The following CCDC148 variants were observed in gnomAD, a reference collection of about 807,000 sequenced individuals.
CCDC148 encodes coiled-coil domain containing 148, also known as coiled-coil domain-containing protein 148.
Under a neutral mutation model 85.7 loss-of-function variants are expected in CCDC148, and 89 were observed. The ratio of observed to expected loss-of-function variants is 1.04; its 90% confidence interval spans 0.87 to 1.24. The LOEUF (loss-of-function observed/expected upper bound fraction) is 1.24. CCDC148 is among the 50% of genes most tolerant of loss of function. The pLI is 0.00. For missense variants in CCDC148, 692 were observed against 671.7 expected (o/e 1.03, Z -0.33); for synonymous variants, 230 against 213.9 (o/e 1.08, Z -0.66).
chr2:158,330,467 T>G (rs978681178), intron 7 of CCDC148, among the ~76,000 whole-genome samples: 7 of 151,964 alleles, frequency 4.6e-5, no homozygotes, highest in Admixed American at 6.6e-5. Context: ...GTCTAAAATT[T>G]TCTTTTTTTG....
intron 1 of CCDC148, among the ~76,000 whole-genome samples, chr2:158,437,200 C>T (rs894866975): frequency 1.6e-4 from 24 of 152,140 alleles, no homozygotes; most frequent in African/African-American, 3.6e-4. Context: ...ACCAATATCC[C>T]TGATGAACAT....
rs115419658 is a variant in CCDC148, at chr2:158,240,709, C to T, written c.1251+10063G>A. Among the ~76,000 whole-genome samples, 376 of 152,090 alleles carry T rather than the reference C, an allele frequency of 2.5e-3. 2 individuals carry two copies. Among genetic ancestry groups the T allele is most frequent in the Middle Eastern group, 6.8e-3 (2 of 294 alleles). ...CACTCTCCCTCAACAGCAGAGCATT[C>T]GATGGAGATGAAAGGCATTCAGTCA... On this transcript the variant is annotated intron_variant, in intron 10 of 13. Transcript: ENST00000283233.
At chr2:158,357,169 T>G (rs868094349) in intron 2 of CCDC148, among the ~76,000 whole-genome samples, 8 of 151,500 alleles carry the variant, frequency 5.3e-5, no homozygotes, top group Middle Eastern at 3.4e-3. Flanking sequence ...GAATGGCACA[T>G]GTATACATAT....
chr2:158,438,912 A>C (rs1687799454), intron 1 of CCDC148, among the ~76,000 whole-genome samples: 1 of 152,226 alleles, frequency 6.6e-6, no homozygotes, highest in African/African-American at 2.4e-5. Context: ...AATGCAAATC[A>C]AAACCACAAT....
At chr2:158,211,169 G>C (rs958630289) in intron 11 of CCDC148, among the ~76,000 whole-genome samples, 1 of 151,276 alleles carries the variant, frequency 6.6e-6, no homozygotes, top group East Asian at 1.9e-4. Context: ...ACATATCCCA[G>C]AACTTAAAGT....
chr2:158,429,571 C>G (rs1317721022), intron 1 of CCDC148, among the ~76,000 whole-genome samples: 4 of 152,036 alleles, frequency 2.6e-5, no homozygotes, highest in Non-Finnish European at 1.5e-5. Flanking sequence ...AAAGAAGGAG[C>G]CAATAACATC....
intron 1 of CCDC148, among the ~76,000 whole-genome samples, chr2:158,390,679 T>G (rs1685266679): frequency 2.0e-5 from 3 of 152,180 alleles, no homozygotes; most frequent in Admixed American, 1.3e-4. Flanking sequence ...GCAGTGAGCA[T>G]GAAGCCAACA....
At chr2:158,365,385 A>G (rs1459273763) in intron 1 of CCDC148, among the ~76,000 whole-genome samples, 4 of 152,218 alleles carry the variant, frequency 2.6e-5, no homozygotes, top group Non-Finnish European at 1.5e-5. Context: ...TGTTCACAAT[A>G]GAAAAGACTT....
rs775203618 is a variant in CCDC148 at position 158,220,601 on chromosome 2, CTG to C, written c.1362_1363del (p.Asp454GlufsTer5). On this transcript the variant is annotated frameshift_variant, in exon 11 of 14. Coordinates refer to ENST00000283233, the MANE Select transcript of CCDC148 (RefSeq NM_138803.4). LOFTEE classifies it high-confidence loss of function. ...ATTTTAAATTTTCTTTTACCTTTCT[CTG>C]TCTTTTAGTGACTGTTCAGCGATTA... The C allele has an allele frequency of 6.2e-7, 1 of 1,602,184 alleles. No individual in the cohort carries two copies. The highest frequency in any genetic ancestry group is 1.3e-5 in the African/African-American group (1 of 74,338).
At position 158,345,200 on chromosome 2, in the gene CCDC148, T is replaced by C. The variant is rs1282515940; in HGVS notation, c.251+15A>G. On this transcript the variant is annotated intron_variant, in intron 3 of 13. Transcript: ENST00000283233. The stretch of plus-strand genomic sequence containing the variant: ...GTAATTCCTACGTGTTCTTACTATG[T>C]CCCCCAGTTCTTACCTGACTTCATT... 3.8e-6 allele frequency: 6 copies of C among 1,585,018 alleles called. No individual in the cohort carries two copies. Among genetic ancestry groups the C allele is most frequent in the East Asian group, 2.2e-5 (1 of 44,490 alleles).
intron 5 of CCDC148, among the ~76,000 whole-genome samples, chr2:158,339,574 T>C (rs1355431649): frequency 6.6e-6 from 1 of 152,142 alleles, no homozygotes; most frequent in Non-Finnish European, 1.5e-5. Flanking sequence ...GGGAAGCAGT[T>C]GACAAACTAA....
intron 1 of CCDC148, among the ~76,000 whole-genome samples, chr2:158,455,028 C>T (rs1223991653): frequency 6.6e-6 from 1 of 152,054 alleles, no homozygotes; most frequent in Non-Finnish European, 1.5e-5. Flanking sequence ...TAGCCTAAGG[C>T]AAGAGAAAAG....
At chr2:158,240,718 T>G (rs1297460565) in intron 10 of CCDC148, among the ~76,000 whole-genome samples, 1 of 151,982 alleles carries the variant, frequency 6.6e-6, no homozygotes, top group Non-Finnish European at 1.5e-5. Context: ...TCGATGGAGA[T>G]GAAAGGCATT....
intron 7 of CCDC148, among the ~76,000 whole-genome samples, chr2:158,329,463 T>C (rs1692976240): frequency 2.0e-5 from 3 of 152,158 alleles, no homozygotes; most frequent in African/African-American, 7.2e-5. Context: ...AGCTTTGTTC[T>C]TTTGGCTTAG....
chr2:158,181,345 T>C (rs1248159849), intron 11 of CCDC148, among the ~76,000 whole-genome samples: 1 of 152,168 alleles, frequency 6.6e-6, no homozygotes, highest in East Asian at 1.9e-4. Flanking sequence ...TTGAGGCTTA[T>C]TCATTTATTT....
intron 11 of CCDC148, among the ~76,000 whole-genome samples, chr2:158,180,378 T>C (rs1051062834): frequency 6.6e-6 from 1 of 152,152 alleles, no homozygotes; most frequent in Non-Finnish European, 1.5e-5. Flanking sequence ...AGCATAGACA[T>C]GTGATCTTAA....
chr2:158,291,009 T>C (rs1183897332), intron 9 of CCDC148, among the ~76,000 whole-genome samples: 1 of 152,082 alleles, frequency 6.6e-6, no homozygotes, highest in African/African-American at 2.4e-5. Context: ...CTACATCATC[T>C]GTCACCGAGA....
At chr2:158,409,183 A>G (rs1053024556) in intron 1 of CCDC148, among the ~76,000 whole-genome samples, 1 of 152,220 alleles carries the variant, frequency 6.6e-6, no homozygotes, top group African/African-American at 2.4e-5. Context: ...CCCCACGCAG[A>G]GTCCCTACTG....
At chr2:158,414,968 C>G (rs186447242) in intron 1 of CCDC148, among the ~76,000 whole-genome samples, 2 of 152,100 alleles carry the variant, frequency 1.3e-5, no homozygotes, top group East Asian at 3.9e-4. Flanking sequence ...TCTCTGTCAC[C>G]CATAAAGAGA....
Sources: allele counts gnomAD v4.1 joint callset (sites outside exome capture counted in the v4.1 genomes callset), GRCh38; gene constraint gnomAD v4.1.1; transcripts MANE v1.5; gene names NCBI Gene and HGNC (gene_info 2026-07-23, HGNC 2026-07-21).